Variants in SUGCT observed in about 807,000 individuals in gnomAD.
The protein encoded by SUGCT is succinyl-CoA:glutarate CoA-transferase.
SUGCT carries 41 observed loss-of-function variants against 55.0 expected under a neutral mutation model. The observed-to-expected ratio is 0.74, with a 90% CI of 0.58 to 0.97. SUGCT has a LOEUF of 0.97. SUGCT is among the 50% of genes least tolerant of loss of function. SUGCT has a pLI of 0.00. For missense variants in SUGCT, 568 were observed against 547.8 expected (o/e 1.04, Z -0.37); for synonymous variants, 187 against 200.4 (o/e 0.93, Z 0.56).
At chr7:40,819,700 C>G (rs1391661780) in intron 13 of SUGCT, among the ~76,000 whole-genome samples, 3 of 152,096 alleles carry the variant, frequency 2.0e-5, no homozygotes, top group Admixed American at 6.5e-5. Context: ...TTCTCCCATT[C>G]TTTAGGTTGC....
intron 12 of SUGCT, among the ~76,000 whole-genome samples, chr7:40,654,758 A>G (rs988637386): frequency 6.6e-6 from 1 of 152,182 alleles, no homozygotes; most frequent in African/African-American, 2.4e-5. Flanking sequence ...CTTTGGGTCT[A>G]TAGCATCTGG....
At chr7:40,454,102 T>C (rs1046580775) in intron 10 of SUGCT, among the ~76,000 whole-genome samples, 1 of 152,112 alleles carries the variant, frequency 6.6e-6, no homozygotes, top group Non-Finnish European at 1.5e-5. Context: ...TTATTCAATC[T>C]GAAGAAGAGA....
chr7:40,141,407 G>A (rs1217441629), intron 1 of SUGCT, among the ~76,000 whole-genome samples: 3 of 152,092 alleles, frequency 2.0e-5, no homozygotes, highest in Non-Finnish European at 2.9e-5. Flanking sequence ...GGCTGAGGCA[G>A]ATGGATCACA....
At chr7:40,378,967 T>G (rs1784738821) in intron 9 of SUGCT, among the ~76,000 whole-genome samples, 1 of 152,214 alleles carries the variant, frequency 6.6e-6, no homozygotes, top group Non-Finnish European at 1.5e-5. Context: ...GTGATTAAGT[T>G]AAGGATCTTG....
the SUGCT span, among the ~76,000 whole-genome samples, chr7:41,030,744 G>A: frequency 6.6e-6 from 1 of 152,100 alleles, no homozygotes; most frequent in Non-Finnish European, 1.5e-5. Context: ...ATGATAAAAA[G>A]TTAATTCCAA....
chr7:40,401,891 T>C (rs1786089993), intron 9 of SUGCT, among the ~76,000 whole-genome samples: 1 of 152,212 alleles, frequency 6.6e-6, no homozygotes, highest in Non-Finnish European at 1.5e-5. Flanking sequence ...TCCTCTCCTC[T>C]TGACCATGAT....
chr7:40,650,407 G>C (rs932809241), intron 12 of SUGCT, among the ~76,000 whole-genome samples: 14 of 152,162 alleles, frequency 9.2e-5, no homozygotes, highest in Admixed American at 7.9e-4. Flanking sequence ...GTTGGTTTCA[G>C]CTCTCTGCTC....
chr7:40,461,952 A>G (rs1789826865), intron 11 of SUGCT, among the ~76,000 whole-genome samples: 1 of 152,232 alleles, frequency 6.6e-6, no homozygotes, highest in South Asian at 2.1e-4. Flanking sequence ...TTCATCTCTC[A>G]TATTGCCTCC....
intron 11 of SUGCT, among the ~76,000 whole-genome samples, chr7:40,475,718 C>T (rs1467476670): frequency 2.6e-5 from 4 of 152,052 alleles, no homozygotes; most frequent in South Asian, 2.1e-4. Flanking sequence ...ATCTTTAAAA[C>T]GAGGCAATAT....
At chr7:40,847,411 C>CTTTTTTTTTTT (rs981613426) in intron 13 of SUGCT, among the ~76,000 whole-genome samples, 2 of 75,396 alleles carry the variant, frequency 2.7e-5, no homozygotes, top group African/African-American at 4.7e-5. Flanking sequence ...TTCTTTCTTT[C>CTTTTTTTTTTT]TTTTTTTTTT....
chr7:40,657,804 A>G (rs35336896), intron 12 of SUGCT, among the ~76,000 whole-genome samples: 28,367 of 152,112 alleles, frequency 0.19, 2,684 homozygotes, highest in Middle Eastern at 0.22. Flanking sequence ...AAAGTGCTGG[A>G]ATTACAGGCC....
At chr7:40,192,906 T>A (rs1785998843) in intron 5 of SUGCT, among the ~76,000 whole-genome samples, 1 of 151,868 alleles carries the variant, frequency 6.6e-6, no homozygotes, top group Non-Finnish European at 1.5e-5. Context: ...GAGCTGGGAT[T>A]GCAGGTATGA....
intron 12 of SUGCT, among the ~76,000 whole-genome samples, chr7:40,722,509 CA>C (rs1183435581): frequency 6.6e-6 from 1 of 152,138 alleles, no homozygotes; most frequent in African/African-American, 2.4e-5. Flanking sequence ...CAAATATAGT[CA>C]ATTCCAAAAA....
chr7:40,847,407 C>CTTTTTTTTTTATTTTATTTTTTTTTTTTT, intron 13 of SUGCT, among the ~76,000 whole-genome samples: 1 of 117,888 alleles, frequency 8.5e-6, no homozygotes, highest in African/African-American at 2.9e-5. Context: ...TCTTTTCTTT[C>CTTTTTTTTTTATTTTATTTTTTTTTTTTT]TTTCTTTTTT....
At chr7:40,632,890 T>A (rs1347880856) in intron 12 of SUGCT, among the ~76,000 whole-genome samples, 2 of 152,198 alleles carry the variant, frequency 1.3e-5, no homozygotes, top group Admixed American at 1.3e-4. Context: ...CCTGTACATT[T>A]CATGAGTCTG....
intron 9 of SUGCT, among the ~76,000 whole-genome samples, chr7:40,427,556 C>A (rs1463206068): frequency 6.6e-6 from 1 of 152,022 alleles, no homozygotes; most frequent in African/African-American, 2.4e-5. Flanking sequence ...GTTTGAACTC[C>A]ACTCATTCCT....
At chr7:40,834,929 C>T (rs984262879) in intron 13 of SUGCT, among the ~76,000 whole-genome samples, 9 of 151,756 alleles carry the variant, frequency 5.9e-5, no homozygotes, top group African/African-American at 9.7e-5. Context: ...ATGAATCCAT[C>T]GATGTGTCAT....
chr7:40,218,478 G>A (rs1787803722), intron 6 of SUGCT, among the ~76,000 whole-genome samples: 1 of 152,172 alleles, frequency 6.6e-6, no homozygotes, highest in Non-Finnish European at 1.5e-5. Flanking sequence ...AAGCCAGCTG[G>A]GCTTCTGGGT....
chr7:40,394,460 A>T (rs1035845355), intron 9 of SUGCT, among the ~76,000 whole-genome samples: 5 of 152,224 alleles, frequency 3.3e-5, no homozygotes, highest in Non-Finnish European at 7.3e-5. Context: ...TTGAAATTTT[A>T]TTATGACTTA....
Sources: allele counts gnomAD v4.1 joint callset (sites outside exome capture counted in the v4.1 genomes callset), GRCh38; gene constraint gnomAD v4.1.1; transcripts MANE v1.5; gene names NCBI Gene and HGNC (gene_info 2026-07-23, HGNC 2026-07-21).